C1GALT1: variants seen among roughly 807,000 people sequenced by gnomAD.
C1GALT1 encodes the protein core 1 synthase, glycoprotein-N-acetylgalactosamine 3-beta-galactosyltransferase 1.
C1GALT1 carries 11 observed loss-of-function variants against 31.0 expected under a neutral mutation model. The observed-to-expected ratio is 0.36, with a 90% confidence interval of 0.22 to 0.59. The LOEUF (loss-of-function observed/expected upper bound fraction) is 0.59, where lower values mean the gene tolerates loss of function less well. Among genes scored for constraint, C1GALT1 ranks in the 20% least tolerant of loss-of-function variants. C1GALT1 has a pLI of 0.79. For missense variants in C1GALT1, 424 were observed against 425.2 expected (o/e 1.00, Z 0.03); for synonymous variants, 175 against 143.6 (o/e 1.22, Z -1.56).
chr7:7,217,562 TA>T (rs2128241053), intron 1 of C1GALT1, among the ~76,000 whole-genome samples: 1 of 152,362 alleles, frequency 6.6e-6, no homozygotes, highest in South Asian at 2.1e-4. Context: ...ATTTCATTTT[TA>T]TTCCTTTTTG....
At chr7:7,176,311 G>A (rs1046242696) in intron 2 of C1GALT1, among the ~76,000 whole-genome samples, 34 of 152,088 alleles carry the variant, frequency 2.2e-4, no homozygotes, top group Admixed American at 9.8e-4. Flanking sequence ...GCCACATTAT[G>A]CAGCTACACA....
intron 1 of C1GALT1, among the ~76,000 whole-genome samples, chr7:7,185,646 C>T (rs924848130): frequency 3.3e-5 from 5 of 152,206 alleles, no homozygotes; most frequent in African/African-American, 1.2e-4. Context: ...AGATGGTGTG[C>T]TCCACTTCTT....
At chr7:7,183,376 G>A (rs1044743415) in intron 1 of C1GALT1, among the ~76,000 whole-genome samples, 1 of 152,162 alleles carries the variant, frequency 6.6e-6, no homozygotes, top group Non-Finnish European at 1.5e-5. Context: ...AGCTTGCTTG[G>A]GTCTAGCTTG....
chr7:7,238,992 A>T lies in C1GALT1; in HGVS notation c.888+70A>T, dbSNP rs1382127235. ...GAATTTTGTTGATAAAAACATGTTA[A>T]TATGTGTATGTTTCTTTAGTACCAA... is the stretch of plus-strand genomic sequence containing the variant. On this transcript the variant is annotated intron_variant, in intron 3 of 3. Transcript: ENST00000436587. The surrounding 1 kb of genome is among the most constrained non-coding windows in gnomAD (Gnocchi z 5.2). 8.0e-7 allele frequency: 1 copy of T among 1,243,508 alleles called. No individual in the cohort carries two copies. Among genetic ancestry groups the T allele is most frequent in the Non-Finnish European group, 1.1e-6 (1 of 890,092 alleles). The allele number at this position is 1,243,508 out of a possible 1,614,324, so 77.0% of individuals were successfully genotyped here.
intron 1 of C1GALT1, among the ~76,000 whole-genome samples, chr7:7,233,270 T>A (rs2128248424): frequency 6.6e-6 from 1 of 152,184 alleles, no homozygotes; most frequent in African/African-American, 2.4e-5. Context: ...GCAAACTTTT[T>A]CTTTTTTTTT....
rs559193387 is a variant in C1GALT1 at position 7,215,122 on chromosome 7, C to G, written c.-17-19181C>G. On this transcript the variant is annotated intron_variant, in intron 1 of 3. Coordinates refer to ENST00000436587, the MANE Select transcript of C1GALT1 (RefSeq NM_020156.5). ...AAAGTATTGCCACGCGGTTACAGAT[C>G]GTGTTCCCAAGGACGTGAAACAAGA... Among the ~76,000 whole-genome samples, 4 of 152,284 alleles carry G rather than the reference C, an allele frequency of 2.6e-5. No individual in the cohort carries two copies. In the South Asian group the frequency reaches 8.3e-4, roughly 32 times the overall value.
intron 2 of C1GALT1, among the ~76,000 whole-genome samples, chr7:7,236,242 T>C (rs1783343602): frequency 6.6e-6 from 1 of 152,192 alleles, no homozygotes; most frequent in Non-Finnish European, 1.5e-5. Context: ...ATTTTTTTCA[T>C]CTCCTATGCC....
At chr7:7,227,960 A>G (rs1306503617) in intron 1 of C1GALT1, among the ~76,000 whole-genome samples, 1 of 152,208 alleles carries the variant, frequency 6.6e-6, no homozygotes, top group African/African-American at 2.4e-5. Flanking sequence ...TATAAATACC[A>G]GAAAATGGAC....
intron 1 of C1GALT1, among the ~76,000 whole-genome samples, chr7:7,216,641 C>G (rs1269301055): frequency 1.3e-5 from 2 of 152,118 alleles, no homozygotes; most frequent in African/African-American, 4.8e-5. Flanking sequence ...AGTTAACTTC[C>G]GAACTTAAAC....
intron 2 of C1GALT1, chr7:7,235,183 G>C (rs1438995859): frequency 6.6e-6 from 1 of 152,052 alleles, no homozygotes; most frequent in Non-Finnish European, 1.5e-5. Flanking sequence ...ATTTCTTACT[G>C]TCTTTAGCCC....
At chr7:7,198,476 A>G (rs11771193) in intron 1 of C1GALT1, among the ~76,000 whole-genome samples, 23,554 of 152,060 alleles carry the variant, frequency 0.15, 2,123 homozygotes, top group East Asian at 0.37. Context: ...TTCATCAGGG[A>G]TATTGGTCTA....
chr7:7,164,669 G>T lies in C1GALT1; in HGVS notation c.-18+7243G>T, dbSNP rs545212593. ...GACGAGGAACTCTGAAGGTGGAATG[G>T]CCCTAAAGAGTATCACAGGTCAGGG... On this transcript the variant is annotated intron_variant, in intron 2 of 3. Coordinates refer to the C1GALT1 transcript ENST00000429911. Among the ~76,000 whole-genome samples, 156 of 152,244 alleles carry T rather than the reference G, an allele frequency of 1.0e-3. 3 individuals are homozygous for T. The South Asian group carries it at 0.031, about 30-fold the overall frequency.
intron 2 of C1GALT1, among the ~76,000 whole-genome samples, chr7:7,160,254 C>A (rs1365052372): frequency 6.6e-6 from 1 of 152,052 alleles, no homozygotes. Flanking sequence ...CTGCATATGA[C>A]CTTTACCTTC....
chr7:7,194,119 A>G (rs1781186574), intron 1 of C1GALT1, among the ~76,000 whole-genome samples: 1 of 152,078 alleles, frequency 6.6e-6, no homozygotes, highest in African/African-American at 2.4e-5. Context: ...ATCATCAGCA[A>G]ACAGCAACAG....
chr7:7,239,070 AGAT>A, intron 3 of C1GALT1, 148 bp downstream of exon 3: 1 of 655,970 alleles, frequency 1.5e-6, no homozygotes, highest in Non-Finnish European at 2.6e-6. Context: ...ATAACAAAAT[AGAT>A]GAGAACAGGG....
intron 2 of C1GALT1, among the ~76,000 whole-genome samples, chr7:7,176,469 A>C (rs974906008): frequency 6.6e-6 from 1 of 151,672 alleles, no homozygotes; most frequent in Admixed American, 6.6e-5. Context: ...AATTGAGAAA[A>C]CAATTAAGGA....
At chr7:7,190,695 C>A (rs1413348637) in intron 1 of C1GALT1, among the ~76,000 whole-genome samples, 4 of 151,984 alleles carry the variant, frequency 2.6e-5, no homozygotes, top group African/African-American at 9.7e-5. Flanking sequence ...TTCCAGATAA[C>A]ATTTAGAATA....
chr7:7,206,097 A>C (rs2128237215), intron 1 of C1GALT1, among the ~76,000 whole-genome samples: 1 of 152,352 alleles, frequency 6.6e-6, no homozygotes, highest in Middle Eastern at 3.4e-3. Context: ...AGTAACATAA[A>C]AAAATTATGC....
chr7:7,238,651 A>G lies in C1GALT1; in HGVS notation c.617A>G (p.Tyr206Cys), dbSNP rs1298709313. Residue 206 changes from tyrosine to cysteine, a missense_variant, in exon 3 of 4, where the codon TAC becomes TGC. Transcript: ENST00000436587. The surrounding 1 kb of genome is among the most constrained non-coding windows in gnomAD (Gnocchi z 5.2). ...TTTAAGCCTTATGTAAAGCAGGGCTACATGAGTGGAGGAGCAGGATATGTA... is the reference window on the plus strand; with the variant it reads ...TTTAAGCCTTATGTAAAGCAGGGCTGCATGAGTGGAGGAGCAGGATATGTA... The part of the protein sequence containing the change: ...RRFKPYVKQG[Y>C]MSGGAGYVLS... 2 of 1,614,160 alleles carry G rather than the reference A, an allele frequency of 1.2e-6. No homozygotes were observed. Among genetic ancestry groups the G allele is most frequent in the South Asian group, 1.1e-5 (1 of 91,074 alleles).
Sources: allele counts gnomAD v4.1 joint callset (sites outside exome capture counted in the v4.1 genomes callset), GRCh38; gene constraint gnomAD v4.1.1; non-coding constraint Gnocchi (gnomAD v3.1); transcripts MANE v1.5; gene names NCBI Gene and HGNC (gene_info 2026-07-23, HGNC 2026-07-21).